The following CDH18 variants were observed in gnomAD, a reference collection of about 807,000 sequenced individuals.
The protein encoded by CDH18 is cadherin-18.
CDH18 carries 31 observed loss-of-function variants against 67.9 expected under a neutral mutation model. The observed-to-expected ratio is 0.46, with a 90% CI of 0.34 to 0.62. CDH18 has a LOEUF of 0.62. CDH18 is among the 20% of genes least tolerant of loss of function. The pLI is 0.01. For missense variants in CDH18, 890 were observed against 975.5 expected (o/e 0.91, Z 1.17); for synonymous variants, 362 against 347.2 (o/e 1.04, Z -0.48).
chr5:20,011,737 T>A (rs1217498273), intron 2 of CDH18, among the ~76,000 whole-genome samples: 1 of 152,142 alleles, frequency 6.6e-6, no homozygotes, highest in African/African-American at 2.4e-5. Flanking sequence ...TCTGTTTATG[T>A]GAGGAATCAC....
intron 1 of CDH18, among the ~76,000 whole-genome samples, chr5:19,986,003 C>A (rs1799521922): frequency 6.6e-6 from 1 of 152,074 alleles, no homozygotes; most frequent in South Asian, 2.1e-4. Context: ...GCTGTTGGGA[C>A]CCAAAAACTT....
At chr5:20,201,729 T>A (rs1385602303) in intron 2 of CDH18, among the ~76,000 whole-genome samples, 2 of 152,096 alleles carry the variant, frequency 1.3e-5, no homozygotes, top group Admixed American at 1.3e-4. Flanking sequence ...GATGTCCAGA[T>A]CAAGTAGAAC....
intron 1 of CDH18, among the ~76,000 whole-genome samples, chr5:20,467,025 A>G (rs568004511): frequency 1.3e-5 from 2 of 152,254 alleles, no homozygotes; most frequent in African/African-American, 4.8e-5. Context: ...TCGCCTGGCA[A>G]CATTTTATAG....
chr5:19,479,383 G>T lies in CDH18; in HGVS notation c.1882+3918C>A, dbSNP rs185989338. Among the ~76,000 whole-genome samples the T allele has an allele frequency of 7.9e-5, 12 of 152,212 alleles. No individual in the cohort carries two copies. In the East Asian group the frequency reaches 2.1e-3, roughly 27 times the overall value. ...TACATTTGGTTTTGTCGATATTTATGCCGAAAATCATAATCTCATAAATTA... is the reference window on the plus strand; with the variant it reads ...TACATTTGGTTTTGTCGATATTTATTCCGAAAATCATAATCTCATAAATTA... On this transcript the variant is annotated intron_variant, in intron 12 of 12. Coordinates refer to ENST00000382275, the MANE Select transcript of CDH18 (RefSeq NM_004934.5).
Position 19,643,081 on chromosome 5 carries a change from G to C in CDH18, c.644-30480C>G, listed in dbSNP as rs550725141. On this transcript the variant is annotated intron_variant, in intron 5 of 12. Transcript: ENST00000382275. The stretch of plus-strand genomic sequence containing the variant: ...GAAATTGCTACCAGATTAATATAAA[G>C]GTACTTAATTTCATTAATCATCAGA... 7.2e-5 allele frequency among the ~76,000 whole-genome samples: 11 copies of C among 151,960 alleles called. No individual in the cohort carries two copies. The East Asian group carries it at 2.1e-3, about 29-fold the overall frequency.
intron 2 of CDH18, among the ~76,000 whole-genome samples, chr5:20,145,088 T>C (rs955642987): frequency 7.9e-5 from 12 of 152,126 alleles, no homozygotes; most frequent in Non-Finnish European, 1.6e-4. Context: ...CTCTTTGCTA[T>C]GGCAATCCTC....
intron 2 of CDH18, among the ~76,000 whole-genome samples, chr5:19,898,656 T>G (rs1789612302): frequency 6.6e-6 from 1 of 152,138 alleles, no homozygotes; most frequent in Non-Finnish European, 1.5e-5. Flanking sequence ...ATGTGGAAAA[T>G]AAGAAATCAT....
rs550147994 is a variant in CDH18 at position 20,239,671 on chromosome 5, C to G, written c.-518+15773G>C. Among the ~76,000 whole-genome samples, 32 of 152,200 alleles carry G rather than the reference C, an allele frequency of 2.1e-4. No homozygotes were observed. The South Asian group carries it at 5.8e-3, about 28-fold the overall frequency. On this transcript the variant is annotated intron_variant, in intron 2 of 14. Transcript: ENST00000507958. ...CAAATTGCATCACATTTTGCACTCT[C>G]AATATTTTTTAGTTTATGCATGTCA...
At chr5:20,348,382 G>T (rs899456085) in intron 1 of CDH18, among the ~76,000 whole-genome samples, 2 of 152,168 alleles carry the variant, frequency 1.3e-5, no homozygotes, top group African/African-American at 4.8e-5. Flanking sequence ...TTGACAAGAA[G>T]CCAGCTGAAT....
chr5:20,273,891 T>A (rs1476673896), intron 1 of CDH18, among the ~76,000 whole-genome samples: 1 of 152,126 alleles, frequency 6.6e-6, no homozygotes, highest in Non-Finnish European at 1.5e-5. Flanking sequence ...TATGTTGAAG[T>A]CTTAACCCCC....
chr5:20,419,425 G>A (rs1332265214), intron 1 of CDH18, among the ~76,000 whole-genome samples: 11 of 137,294 alleles, frequency 8.0e-5, no homozygotes, highest in Non-Finnish European at 1.3e-4. Context: ...ATAAATTTCC[G>A]TTGTTTCTAA....
intron 2 of CDH18, among the ~76,000 whole-genome samples, chr5:20,062,577 C>A (rs574837224): frequency 2.6e-5 from 4 of 152,170 alleles, no homozygotes; most frequent in African/African-American, 9.6e-5. Flanking sequence ...GCATGATAAC[C>A]AGCATGAGAA....
intron 3 of CDH18, among the ~76,000 whole-genome samples, chr5:19,784,986 C>T (rs62353621): frequency 0.062 from 9,444 of 152,134 alleles, 337 homozygotes; most frequent in Non-Finnish European, 0.081. Flanking sequence ...CACCAATGAC[C>T]TGTAAGCTTC....
intron 2 of CDH18, among the ~76,000 whole-genome samples, chr5:20,175,605 C>T (rs1397418803): frequency 4.6e-5 from 7 of 152,026 alleles, no homozygotes; most frequent in Admixed American, 4.6e-4. Flanking sequence ...CCCTGTAGAG[C>T]TTTGTATTAG....
intron 3 of CDH18, among the ~76,000 whole-genome samples, chr5:19,787,234 C>T (rs1775895363): frequency 6.6e-6 from 1 of 152,052 alleles, no homozygotes; most frequent in South Asian, 2.1e-4. Context: ...GCAGGTGGAT[C>T]ACAATGTCAA....
chr5:20,233,286 A>C, intron 2 of CDH18, among the ~76,000 whole-genome samples: 1 of 151,634 alleles, frequency 6.6e-6, no homozygotes, highest in South Asian at 2.1e-4. Context: ...ATAATCCATG[A>C]TTATTCAGAG....
intron 1 of CDH18, among the ~76,000 whole-genome samples, chr5:20,322,835 G>A (rs563616345): frequency 5.9e-5 from 9 of 152,232 alleles, no homozygotes; most frequent in Admixed American, 3.9e-4. Flanking sequence ...GTTATGCTAA[G>A]TATCTAAAGA....
chr5:19,706,681 T>C (rs1764009496), intron 5 of CDH18, among the ~76,000 whole-genome samples: 1 of 152,204 alleles, frequency 6.6e-6, no homozygotes, highest in Non-Finnish European at 1.5e-5. Context: ...CCAGCTTCTA[T>C]TAAAACAGAC....
intron 2 of CDH18, among the ~76,000 whole-genome samples, chr5:20,067,803 A>G (rs1480554620): frequency 6.6e-6 from 1 of 152,142 alleles, no homozygotes; most frequent in Non-Finnish European, 1.5e-5. Flanking sequence ...TATATTAGGT[A>G]GTTCATTCCT....
Sources: gnomAD v4.1 joint callset for allele counts (sites outside exome capture counted in the v4.1 genomes callset) on GRCh38, gnomAD v4.1.1 for gene constraint, MANE v1.5 for transcripts, NCBI Gene and HGNC (gene_info 2026-07-23, HGNC 2026-07-21) for gene names.